Variants in THSD7B observed in about 807,000 individuals in gnomAD.
THSD7B encodes the protein thrombospondin type 1 domain containing 7B.
THSD7B carries 138 observed loss-of-function variants against 213.6 expected under a neutral mutation model. That is an observed-to-expected ratio of 0.65 (90% CI 0.56 to 0.74). The LOEUF is 0.74. Among genes scored for constraint, THSD7B ranks in the 30% least tolerant of loss-of-function variants. THSD7B has a pLI of 0.00. For missense variants in THSD7B, 1,931 were observed against 1,991.5 expected, an observed-to-expected ratio of 0.97 and a Z score of 0.58; for synonymous variants, 742 against 687.0, an observed-to-expected ratio of 1.08 and a Z score of -1.25.
intron 6 of THSD7B, among the ~76,000 whole-genome samples, chr2:137,166,891 C>T (rs1471307138): frequency 3.3e-5 from 5 of 152,098 alleles, no homozygotes; most frequent in Admixed American, 1.3e-4. Flanking sequence ...GTTAACTTCT[C>T]ATTCTAAGCT....
intron 2 of THSD7B, among the ~76,000 whole-genome samples, chr2:137,017,539 G>C (rs973278996): frequency 6.6e-6 from 1 of 152,114 alleles, no homozygotes; most frequent in African/African-American, 2.4e-5. Context: ...ATCATCTGCT[G>C]TGTGTCACAG....
At chr2:137,212,866 G>A (rs1316198438) in intron 7 of THSD7B, among the ~76,000 whole-genome samples, 1 of 151,964 alleles carries the variant, frequency 6.6e-6, no homozygotes, top group Non-Finnish European at 1.5e-5. Flanking sequence ...CACAAATGGT[G>A]TAAAATTATG....
chr2:137,421,577 G>A (rs1459849575), intron 14 of THSD7B, among the ~76,000 whole-genome samples: 7 of 152,166 alleles, frequency 4.6e-5, no homozygotes, highest in African/African-American at 9.7e-5. Context: ...CACCCTCCCC[G>A]AATTTCCATG....
At chr2:137,102,385 C>G (rs1350131711) in intron 4 of THSD7B, among the ~76,000 whole-genome samples, 2 of 152,196 alleles carry the variant, frequency 1.3e-5, no homozygotes, top group African/African-American at 4.8e-5. Context: ...ATCAGAAGTT[C>G]ACCAACATCA....
chr2:137,668,344 A>G (rs1015311677), intron 27 of THSD7B, among the ~76,000 whole-genome samples: 1 of 152,108 alleles, frequency 6.6e-6, no homozygotes, highest in African/African-American at 2.4e-5. Context: ...GGTTAAAATG[A>G]CCAGTTGGTT....
intron 7 of THSD7B, among the ~76,000 whole-genome samples, chr2:137,225,009 A>G (rs960957952): frequency 3.3e-5 from 5 of 151,974 alleles, no homozygotes; most frequent in Admixed American, 1.3e-4. Context: ...TTTTCCTCCC[A>G]TGTTCATTTT....
chr2:137,473,401 C>A (rs1318692094), intron 15 of THSD7B, among the ~76,000 whole-genome samples: 8 of 151,852 alleles, frequency 5.3e-5, no homozygotes, highest in African/African-American at 1.9e-4. Context: ...GTAGAGACAG[C>A]ATTTCACCGT....
chr2:136,988,848 CA>C (rs1189736650), intron 2 of THSD7B, among the ~76,000 whole-genome samples: 1 of 152,182 alleles, frequency 6.6e-6, no homozygotes, highest in Non-Finnish European at 1.5e-5. Flanking sequence ...AAACATTTGT[CA>C]TTTTGTGCAC....
intron 12 of THSD7B, among the ~76,000 whole-genome samples, chr2:137,400,265 A>G (rs1006077551): frequency 2.0e-5 from 3 of 149,968 alleles, no homozygotes; most frequent in African/African-American, 7.3e-5. Flanking sequence ...GAGGATTACT[A>G]TGTTTCTTTG....
At position 137,477,758 on chromosome 2, in the gene THSD7B, G is replaced by A. The variant is rs558674796; in HGVS notation, c.3138+26735G>A. On this transcript the variant is annotated intron_variant, in intron 15 of 27. Coordinates refer to ENST00000409968, the MANE Select transcript of THSD7B (RefSeq NM_001316349.2). ...GTGTAGGACTCTCTTAAGCATTTCT[G>A]GTACAGCCGATCTAATTGTGATGAA... Among the ~76,000 whole-genome samples, 3 of 151,974 alleles carry A rather than the reference G, an allele frequency of 2.0e-5. No individual in the cohort carries two copies. The South Asian group carries it at 6.2e-4, about 32-fold the overall frequency.
chr2:136,944,910 T>C (rs1684907094), intron 2 of THSD7B, among the ~76,000 whole-genome samples: 1 of 152,216 alleles, frequency 6.6e-6, no homozygotes, highest in South Asian at 2.1e-4. Flanking sequence ...TATTGTTATG[T>C]GTGAATCTGA....
intron 1 of THSD7B, among the ~76,000 whole-genome samples, chr2:136,855,591 A>G (rs549879110): frequency 1.5e-5 from 2 of 130,762 alleles, no homozygotes; most frequent in African/African-American, 5.6e-5. Flanking sequence ...GCATCCGGCT[A>G]TTATTTATTT....
rs139280559 is a variant in THSD7B at position 137,334,170 on chromosome 2, TTCTCTCTC to T, written c.2500+58168_2500+58175del. On this transcript the variant is annotated intron_variant, in intron 12 of 27. Transcript: ENST00000409968. ...ATCATTCATTTCTTTCTTTCTCTCT[TTCTCTCTC>T]TCTCTCTCTCTCTCTCTCTCTCTTT... 8.4e-3 allele frequency among the ~76,000 whole-genome samples: 1,240 copies of T among 148,350 alleles called. 10 individuals are homozygous for T. The highest frequency in any genetic ancestry group is 0.022 in the African/African-American group (897 of 39,930).
intron 15 of THSD7B, among the ~76,000 whole-genome samples, chr2:137,483,604 A>C (rs948641192): frequency 6.6e-6 from 1 of 152,134 alleles, no homozygotes; most frequent in African/African-American, 2.4e-5. Context: ...ATTTCTTTGT[A>C]GATGGATTTT....
At chr2:136,871,298 A>C (rs1683428732) in intron 1 of THSD7B, among the ~76,000 whole-genome samples, 1 of 152,128 alleles carries the variant, frequency 6.6e-6, no homozygotes, top group Admixed American at 6.5e-5. Context: ...TGAATTGTGG[A>C]GTTTATTATT....
At chr2:137,194,911 T>C (rs1680728607) in intron 7 of THSD7B, among the ~76,000 whole-genome samples, 3 of 152,162 alleles carry the variant, frequency 2.0e-5, no homozygotes, top group African/African-American at 7.2e-5. Context: ...TTCAGATAAT[T>C]AATTTCCCTT....
intron 12 of THSD7B, among the ~76,000 whole-genome samples, chr2:137,395,981 T>G: frequency 6.6e-6 from 1 of 152,196 alleles, no homozygotes; most frequent in Non-Finnish European, 1.5e-5. Flanking sequence ...CTGATGGTAG[T>G]TTGTATTTCT....
intron 2 of THSD7B, among the ~76,000 whole-genome samples, chr2:137,003,281 G>A (rs1005976167): frequency 8.5e-5 from 13 of 152,182 alleles, no homozygotes; most frequent in African/African-American, 3.1e-4. Flanking sequence ...ATCTTGAAAG[G>A]AGTTTAAAAG....
At chr2:136,869,886 A>G (rs1573679079) in intron 1 of THSD7B, among the ~76,000 whole-genome samples, 1 of 152,306 alleles carries the variant, frequency 6.6e-6, no homozygotes, top group East Asian at 1.9e-4. Flanking sequence ...GGCATGGCCA[A>G]TATGGTGAAA....
Sources: gnomAD v4.1 joint callset for allele counts (sites outside exome capture counted in the v4.1 genomes callset) on GRCh38, gnomAD v4.1.1 for gene constraint, MANE v1.5 for transcripts, NCBI Gene and HGNC (gene_info 2026-07-23, HGNC 2026-07-21) for gene names.